Variants in CTNNA2 observed in about 807,000 individuals in gnomAD.
CTNNA2 encodes catenin alpha-2.
In CTNNA2, 42 loss-of-function variants were observed where a neutral mutation model predicts 101.0. The ratio of observed to expected loss-of-function variants is 0.42; its 90% CI spans 0.32 to 0.54. CTNNA2 has a LOEUF of 0.54. Ranked by LOEUF, CTNNA2 falls within the 20% of genes least tolerant of loss-of-function variation. The pLI is 0.14. For synonymous variants in CTNNA2, 450 were observed against 456.4 expected, an observed-to-expected ratio of 0.99 and a Z score of 0.18; for missense variants, 871 against 1,223.1, an observed-to-expected ratio of 0.71 and a Z score of 4.29.
intron 1 of CTNNA2, among the ~76,000 whole-genome samples, chr2:79,550,419 G>A (rs924210366): frequency 2.6e-5 from 4 of 152,154 alleles, no homozygotes; most frequent in South Asian, 2.1e-4. Context: ...ACCAGTGCAC[G>A]TCACTCTTAG....
intron 7 of CTNNA2, among the ~76,000 whole-genome samples, chr2:80,367,132 C>T (rs891162183): frequency 1.3e-5 from 2 of 152,010 alleles, no homozygotes; most frequent in Admixed American, 6.6e-5. Flanking sequence ...AAGCAGTTCC[C>T]GGCTTGACTT....
At chr2:79,232,188 T>C (rs1036977538) in intron 2 of CTNNA2, among the ~76,000 whole-genome samples, 1 of 152,206 alleles carries the variant, frequency 6.6e-6, no homozygotes, top group African/African-American at 2.4e-5. Flanking sequence ...ATGCTGGCTG[T>C]GCGCTTGTCA....
intron 1 of CTNNA2, among the ~76,000 whole-genome samples, chr2:79,624,545 T>G (rs1053814870): frequency 2.0e-5 from 3 of 152,144 alleles, no homozygotes; most frequent in African/African-American, 7.2e-5. Context: ...GGAAAGGTAA[T>G]GCCGGGGAGG....
chr2:79,981,539 G>A (rs77008891), intron 7 of CTNNA2, among the ~76,000 whole-genome samples: 3 of 152,002 alleles, frequency 2.0e-5, no homozygotes, highest in Non-Finnish European at 4.4e-5. Flanking sequence ...CCTGTAACTC[G>A]CTAACAGAGT....
intron 1 of CTNNA2, among the ~76,000 whole-genome samples, chr2:79,599,903 T>C (rs1016530053): frequency 6.6e-6 from 1 of 152,158 alleles, no homozygotes; most frequent in African/African-American, 2.4e-5. Flanking sequence ...CCTAACCATG[T>C]CTTGTGAAGA....
chr2:80,149,693 G>T (rs1298015386), intron 7 of CTNNA2, among the ~76,000 whole-genome samples: 1 of 151,498 alleles, frequency 6.6e-6, no homozygotes, highest in African/African-American at 2.4e-5. Flanking sequence ...CCAACTGCTA[G>T]TTCCTTTCCA....
At chr2:80,181,376 T>C (rs1018049130) in intron 7 of CTNNA2, among the ~76,000 whole-genome samples, 5 of 152,116 alleles carry the variant, frequency 3.3e-5, no homozygotes, top group African/African-American at 9.7e-5. Context: ...AATTTAGGAG[T>C]TCGGTGCCCA....
intron 1 of CTNNA2, among the ~76,000 whole-genome samples, chr2:79,522,527 G>T (rs186679404): frequency 1.3e-5 from 2 of 152,296 alleles, no homozygotes; most frequent in Admixed American, 1.3e-4. Context: ...AAAAATCCAG[G>T]CTGACACAGA....
intron 1 of CTNNA2, chr2:79,573,968 C>G (rs1675625884): frequency 5.8e-6 from 1 of 171,562 alleles, no homozygotes; most frequent in African/African-American, 2.4e-5. Flanking sequence ...TTGTCTTGTT[C>G]AGGAAGGGAA....
At chr2:80,319,195 A>T (rs1678439349) in intron 7 of CTNNA2, among the ~76,000 whole-genome samples, 1 of 152,188 alleles carries the variant, frequency 6.6e-6, no homozygotes, top group Non-Finnish European at 1.5e-5. Flanking sequence ...AGAAAAACAT[A>T]ATTTTCTAAA....
At chr2:79,603,480 G>T (rs1453253116) in intron 1 of CTNNA2, among the ~76,000 whole-genome samples, 1 of 152,106 alleles carries the variant, frequency 6.6e-6, no homozygotes, top group East Asian at 1.9e-4. Context: ...AGAGAAGATT[G>T]TTGAAAAAAC....
intron 9 of CTNNA2, among the ~76,000 whole-genome samples, chr2:80,527,502 C>T (rs2149587591): frequency 6.6e-6 from 1 of 152,254 alleles, no homozygotes; most frequent in East Asian, 1.9e-4. Context: ...TGTGTTAGAT[C>T]AGTTTTACCT....
At chr2:80,008,372 T>A (rs1413361137) in intron 7 of CTNNA2, among the ~76,000 whole-genome samples, 1 of 152,140 alleles carries the variant, frequency 6.6e-6, no homozygotes, top group Non-Finnish European at 1.5e-5. Flanking sequence ...TTCCCTAGCT[T>A]TTGCATGAAC....
chr2:80,596,098 C>G (rs1474692720), intron 15 of CTNNA2, among the ~76,000 whole-genome samples: 1 of 151,530 alleles, frequency 6.6e-6, no homozygotes, highest in African/African-American at 2.4e-5. Context: ...AAGTTGTATT[C>G]CTAGTTATTT....
intron 7 of CTNNA2, among the ~76,000 whole-genome samples, chr2:80,153,025 A>G (rs11689545): frequency 0.035 from 5,284 of 152,306 alleles, 109 homozygotes; most frequent in African/African-American, 0.06. Context: ...TGACAACTAC[A>G]TGGATCTTTG....
intron 7 of CTNNA2, among the ~76,000 whole-genome samples, chr2:80,256,447 G>A (rs962861900): frequency 1.3e-5 from 2 of 152,052 alleles, no homozygotes; most frequent in African/African-American, 2.4e-5. Context: ...TGACAACATG[G>A]CAAGAAAATA....
At chr2:80,276,656 GGAGGAGGAGGAGGAGGAAGAAGAAGAA>G (rs1040669784) in intron 7 of CTNNA2, among the ~76,000 whole-genome samples, 1 of 145,648 alleles carries the variant, frequency 6.9e-6, no homozygotes, top group African/African-American at 2.5e-5. Context: ...AGGAGGAGAA[GGAGGAGGAGGAGGAGGAAGAAGAAGAA>G]GAGGAGGAGG....
intron 9 of CTNNA2, among the ~76,000 whole-genome samples, chr2:80,490,271 T>TCCCCCCCCCCC (rs1185906142): frequency 3.9e-5 from 2 of 51,846 alleles, no homozygotes; most frequent in African/African-American, 1.1e-4. Flanking sequence ...TTTTTTTCCT[T>TCCCCCCCCCCC]CCCCCCCCAC....
intron 7 of CTNNA2, among the ~76,000 whole-genome samples, chr2:80,077,474 C>T (rs1353287428): frequency 2.0e-5 from 3 of 151,758 alleles, no homozygotes; most frequent in Non-Finnish European, 2.9e-5. Context: ...AGCGGTTAGG[C>T]GTGGTGTCCC....
Sources: gnomAD v4.1 joint callset for allele counts (sites outside exome capture counted in the v4.1 genomes callset) on GRCh38, gnomAD v4.1.1 for gene constraint, MANE v1.5 for transcripts, NCBI Gene and HGNC (gene_info 2026-07-23, HGNC 2026-07-21) for gene names.